HOMER1: variants seen among roughly 807,000 people sequenced by gnomAD.
HOMER1 encodes homer scaffold protein 1, also known as homer protein homolog 1.
HOMER1 carries 3 observed loss-of-function variants against 48.9 expected under a neutral mutation model. That is an observed-to-expected ratio of 0.06 (90% CI 0.03 to 0.16). The LOEUF (loss-of-function observed/expected upper bound fraction) is 0.16, where lower values mean the gene tolerates loss of function less well. HOMER1 is among the 10% of genes least tolerant of loss of function. The probability of loss-of-function intolerance (pLI) is 1.00; values close to 1 mark genes in which losing one functional copy is unlikely to be tolerated. For synonymous variants in HOMER1, 134 were observed against 146.4 expected (o/e 0.92, Z 0.61); for missense variants, 247 against 411.4 (o/e 0.60, Z 3.46).
At chr5:79,477,152 C>T (rs1486948973) in intron 1 of HOMER1, among the ~76,000 whole-genome samples, 1 of 152,214 alleles carries the variant, frequency 6.6e-6, no homozygotes, top group African/African-American at 2.4e-5. Flanking sequence ...GAGCCAGGAA[C>T]TGTGGACAAA....
intron 5 of HOMER1, among the ~76,000 whole-genome samples, chr5:79,415,105 G>A (rs1749908769): frequency 6.6e-6 from 1 of 152,046 alleles, no homozygotes; most frequent in African/African-American, 2.4e-5. Flanking sequence ...TCAAGCAGGA[G>A]TGCAGTGGTG....
intron 5 of HOMER1, among the ~76,000 whole-genome samples, chr5:79,413,380 T>C (rs1749856660): frequency 6.6e-6 from 1 of 152,190 alleles, no homozygotes. Flanking sequence ...CCTAGTTATA[T>C]AGGTCTCAGG....
chr5:79,426,573 T>C (rs1372592145), intron 5 of HOMER1, among the ~76,000 whole-genome samples: 1 of 152,032 alleles, frequency 6.6e-6, no homozygotes, highest in East Asian at 1.9e-4. Context: ...CATATTCTTA[T>C]TCATATGTAG....
chr5:79,489,694 A>G (rs73124182), intron 1 of HOMER1, among the ~76,000 whole-genome samples: 3,137 of 152,338 alleles, frequency 0.021, 115 homozygotes, highest in African/African-American at 0.072. Context: ...TCCTTCATCT[A>G]CATGAAAAAT....
In HOMER1 at chr5:79,449,653, T is replaced by G. The variant is rs1330566454; in HGVS notation, c.294+1337A>C. On this transcript the variant is annotated intron_variant, in intron 3 of 8. Coordinates refer to ENST00000334082, the MANE Select transcript of HOMER1 (RefSeq NM_004272.5). ...ACACCCAGCTAATTTTTTTGTATTT[T>G]TAGTAGAAACGGGGTTTTGCCATGT... Among the ~76,000 whole-genome samples, 4 of 152,122 alleles carry G rather than the reference T, an allele frequency of 2.6e-5. 1 individual carries two copies. The highest frequency in any genetic ancestry group is 2.0e-4 in the Admixed American group (3 of 15,272).
chr5:79,485,191 C>T (rs1298136446), intron 1 of HOMER1, among the ~76,000 whole-genome samples: 3 of 152,176 alleles, frequency 2.0e-5, no homozygotes, highest in Admixed American at 6.5e-5. Context: ...CCTGAGAGTA[C>T]TAAACATTTC....
chr5:79,417,207 A>G (rs1363845320), intron 5 of HOMER1, among the ~76,000 whole-genome samples: 1 of 151,374 alleles, frequency 6.6e-6, no homozygotes, highest in Non-Finnish European at 1.5e-5. Context: ...CAGTGGTGCA[A>G]TCTCGGCTCA....
chr5:79,484,278 C>A (rs1425453605), intron 1 of HOMER1, among the ~76,000 whole-genome samples: 4 of 151,262 alleles, frequency 2.6e-5, no homozygotes, highest in Non-Finnish European at 4.4e-5. Flanking sequence ...TGAAATAAAT[C>A]ATAAAAAAAC....
At chr5:79,424,556 C>T (rs1435569998) in intron 5 of HOMER1, among the ~76,000 whole-genome samples, 5 of 151,852 alleles carry the variant, frequency 3.3e-5, no homozygotes, top group Non-Finnish European at 7.4e-5. Context: ...AGAAACTACC[C>T]ACAAGAGTTA....
At chr5:79,497,117 C>T (rs1048496199) in intron 1 of HOMER1, among the ~76,000 whole-genome samples, 3 of 144,478 alleles carry the variant, frequency 2.1e-5, no homozygotes, top group African/African-American at 5.1e-5. Context: ...TAGGCTTCAA[C>T]GACACTGGAC....
At chr5:79,420,146 A>G (rs953923690) in intron 5 of HOMER1, among the ~76,000 whole-genome samples, 2 of 152,224 alleles carry the variant, frequency 1.3e-5, no homozygotes, top group African/African-American at 2.4e-5. Flanking sequence ...ATCAACATCT[A>G]TTGTCTTTTA....
chr5:79,491,075 C>CAAAAAAAAAAAAAAAAAAAAAAAAAA (rs10527802), intron 1 of HOMER1, among the ~76,000 whole-genome samples: 1 of 37,252 alleles, frequency 2.7e-5, no homozygotes, highest in Non-Finnish European at 7.9e-5. Flanking sequence ...AGTACCAAAG[C>CAAAAAAAAAAAAAAAAAAAAAAAAAA]AAAAAAAAAA....
At chr5:79,435,200 AC>A (rs1445574343) in intron 5 of HOMER1, among the ~76,000 whole-genome samples, 1 of 136,568 alleles carries the variant, frequency 7.3e-6, no homozygotes, top group African/African-American at 3.7e-5. Flanking sequence ...GACTTAAAGA[AC>A]AAACTAACCA....
chr5:79,502,054 T>C (rs1361852098), intron 1 of HOMER1, among the ~76,000 whole-genome samples: 1 of 142,310 alleles, frequency 7.0e-6, no homozygotes, highest in African/African-American at 2.7e-5. Flanking sequence ...ACAGTCTCAT[T>C]CTGTCACCAG....
At position 79,513,066 on chromosome 5, in the gene HOMER1, G is replaced by A. The variant is rs928605017; in HGVS notation, c.-292C>T. The A allele has an allele frequency of 6.6e-6, 3 of 456,324 alleles. No homozygotes were observed. Among genetic ancestry groups the A allele is most frequent in the Non-Finnish European group, 7.8e-6 (2 of 256,930 alleles). 28.3% of individuals were successfully genotyped at this position (456,324 alleles called of 1,614,324 possible). A position where few individuals can be genotyped will look rare whatever the true frequency, so the allele number is the denominator to read the frequency against. The stretch of plus-strand genomic sequence containing the variant: ...TTCCACAAAATGAGTCTACAAGTAG[G>A]GAAATGCAGAATCCGGCTTCACCGA... On this transcript the variant is annotated 5_prime_UTR_variant, in exon 1 of 9. Coordinates refer to ENST00000334082, the MANE Select transcript of HOMER1 (RefSeq NM_004272.5).
At chr5:79,492,742 A>T (rs1178176471) in intron 1 of HOMER1, among the ~76,000 whole-genome samples, 1 of 152,044 alleles carries the variant, frequency 6.6e-6, no homozygotes, top group African/African-American at 2.4e-5. Context: ...AATACGTATT[A>T]GGTTGGTCTT....
intron 1 of HOMER1, among the ~76,000 whole-genome samples, chr5:79,482,006 C>T (rs1335039564): frequency 6.6e-6 from 1 of 151,974 alleles, no homozygotes; most frequent in Non-Finnish European, 1.5e-5. Context: ...ATCACTTGAG[C>T]CCAGGAATTC....
chr5:79,509,625 T>G (rs945316710), intron 1 of HOMER1, among the ~76,000 whole-genome samples: 2 of 152,224 alleles, frequency 1.3e-5, no homozygotes, highest in African/African-American at 4.8e-5. Context: ...ACCCATACTT[T>G]AGTTGCCTTC....
chr5:79,459,981 G>C (rs987549677), intron 1 of HOMER1, among the ~76,000 whole-genome samples: 2 of 152,044 alleles, frequency 1.3e-5, no homozygotes, highest in Non-Finnish European at 2.9e-5. Context: ...GAAAGCTATT[G>C]AGAGATTATA....
Sources: gnomAD v4.1 joint callset for allele counts (sites outside exome capture counted in the v4.1 genomes callset) on GRCh38, gnomAD v4.1.1 for gene constraint, MANE v1.5 for transcripts, NCBI Gene and HGNC (gene_info 2026-07-23, HGNC 2026-07-21) for gene names.